PARD3: variants seen among roughly 807,000 people sequenced by gnomAD.
PARD3 encodes par-3 family cell polarity regulator.
A neutral mutation model predicts 155.4 loss-of-function variants in PARD3; 75 were observed. The observed-to-expected ratio is 0.48, with a 90% CI of 0.40 to 0.58. The LOEUF is 0.58. PARD3 is among the 20% of genes least tolerant of loss of function. The pLI is 0.00. For synonymous variants in PARD3, 576 were observed against 610.5 expected, an observed-to-expected ratio of 0.94 and a Z score of 0.83; for missense variants, 1,642 against 1,721.7, an observed-to-expected ratio of 0.95 and a Z score of 0.82.
chr10:34,435,946 C>T (rs934262826), intron 5 of PARD3, among the ~76,000 whole-genome samples: 2 of 152,238 alleles, frequency 1.3e-5, no homozygotes, highest in African/African-American at 2.4e-5. Flanking sequence ...TTTCTGTCCC[C>T]GTCATTCTAC....
chr10:34,479,160 A>ATTTTTT (rs571846177), intron 3 of PARD3, among the ~76,000 whole-genome samples: 1 of 131,804 alleles, frequency 7.6e-6, no homozygotes, highest in African/African-American at 2.9e-5. Flanking sequence ...CTCAAATTTA[A>ATTTTTT]TTTTTTTTTT....
intron 3 of PARD3, among the ~76,000 whole-genome samples, chr10:34,484,846 C>G (rs1477311303): frequency 6.6e-6 from 1 of 152,192 alleles, no homozygotes; most frequent in Non-Finnish European, 1.5e-5. Context: ...CAGGCCACCT[C>G]TTGTGGAAAG....
chr10:34,111,737 G>C (rs571998616), intron 24 of PARD3, among the ~76,000 whole-genome samples, 175 bp from the exon 25 acceptor site: 2 of 152,304 alleles, frequency 1.3e-5, no homozygotes, highest in Admixed American at 1.3e-4. Context: ...ACTGTCCTCA[G>C]CAAGCGCATA....
At chr10:34,556,312 G>A (rs1331188618) in intron 2 of PARD3, among the ~76,000 whole-genome samples, 8 of 151,886 alleles carry the variant, frequency 5.3e-5, no homozygotes, top group Non-Finnish European at 8.8e-5. Flanking sequence ...TGAATATAGT[G>A]TAACATCCTG....
intron 4 of PARD3, among the ~76,000 whole-genome samples, chr10:34,463,354 AAGGGGAGGGGAGGGG>A (rs1192757656): frequency 2.7e-5 from 2 of 73,474 alleles, no homozygotes; most frequent in Admixed American, 2.0e-4. Flanking sequence ...GGGGAAGGGG[AAGGGGAGGGGAGGGG>A]AGGGGAGGGG....
intron 6 of PARD3, among the ~76,000 whole-genome samples, chr10:34,401,005 C>T (rs187529783): frequency 5.9e-5 from 9 of 152,224 alleles, no homozygotes; most frequent in Admixed American, 2.0e-4. Context: ...AAATACTCAG[C>T]GTGCTGGCTG....
At chr10:34,695,537 C>T (rs1192069390) in intron 2 of PARD3, among the ~76,000 whole-genome samples, 1 of 151,196 alleles carries the variant, frequency 6.6e-6, no homozygotes, top group African/African-American at 2.4e-5. Flanking sequence ...CATCCTGTCA[C>T]GCATTCTCAA....
intron 1 of PARD3, among the ~76,000 whole-genome samples, chr10:34,701,333 A>ATGATGATGTTGTTGT (rs1554815382): frequency 7.3e-5 from 11 of 149,862 alleles, no homozygotes; most frequent in Non-Finnish European, 1.5e-4. Context: ...ACACGCGGGG[A>ATGATGATGTTGTTGT]TGTTGTTGTT....
chr10:34,601,495 C>T (rs949115218), intron 2 of PARD3, among the ~76,000 whole-genome samples: 3 of 152,174 alleles, frequency 2.0e-5, no homozygotes, highest in African/African-American at 7.2e-5. Context: ...TATTAGGTTA[C>T]ATGACACAAA....
intron 2 of PARD3, among the ~76,000 whole-genome samples, chr10:34,573,775 AC>A (rs2086661687): frequency 6.8e-6 from 1 of 147,624 alleles, no homozygotes; most frequent in Non-Finnish European, 1.5e-5. Flanking sequence ...ACACACACAC[AC>A]ACACACACAG....
At chr10:34,114,363 A>G (rs1339017855) in intron 24 of PARD3, among the ~76,000 whole-genome samples, 1 of 152,180 alleles carries the variant, frequency 6.6e-6, no homozygotes, top group Non-Finnish European at 1.5e-5. Flanking sequence ...TTTGTTTTTG[A>G]GACAGAGCCT....
intron 7 of PARD3, among the ~76,000 whole-genome samples, chr10:34,397,623 A>C (rs922714439): frequency 1.3e-5 from 2 of 152,198 alleles, no homozygotes; most frequent in African/African-American, 4.8e-5. Flanking sequence ...TAATCTAGAT[A>C]GTAAGTTTAT....
chr10:34,417,001 C>T (rs1845738335), intron 5 of PARD3, among the ~76,000 whole-genome samples: 1 of 152,172 alleles, frequency 6.6e-6, no homozygotes, highest in East Asian at 1.9e-4. Flanking sequence ...ACAGGGGACC[C>T]CTTACTCATA....
At chr10:34,151,485 T>G (rs1057324428) in intron 22 of PARD3, among the ~76,000 whole-genome samples, 3 of 152,202 alleles carry the variant, frequency 2.0e-5, no homozygotes, top group Admixed American at 2.0e-4. Flanking sequence ...AGTGTATATA[T>G]GTACAGCTCC....
rs79667941 is a variant in PARD3, at chr10:34,733,177, C to G, written c.121-36758G>C. 3.7e-3 allele frequency among the ~76,000 whole-genome samples: 568 copies of G among 152,280 alleles called. 2 individuals carry two copies. The highest frequency in any genetic ancestry group is 0.013 in the African/African-American group (541 of 41,558). Reference sequence around the variant, plus strand: ...TGCCTGCCTCTACTTACACTTTATACCAAAGTTCAAAGTTAACACCGTTAA... The same window carrying G: ...TGCCTGCCTCTACTTACACTTTATAGCAAAGTTCAAAGTTAACACCGTTAA... On this transcript the variant is annotated intron_variant, in intron 1 of 24. Coordinates refer to ENST00000374788, the MANE Select transcript of PARD3 (RefSeq NM_001184785.2).
intron 2 of PARD3, among the ~76,000 whole-genome samples, chr10:34,646,905 G>C (rs1483776028): frequency 6.6e-6 from 1 of 152,050 alleles, no homozygotes; most frequent in Non-Finnish European, 1.5e-5. Flanking sequence ...GCCCAGGCTT[G>C]CATGCACTTT....
At chr10:34,513,817 A>T (rs1469152855) in intron 3 of PARD3, among the ~76,000 whole-genome samples, 2 of 152,162 alleles carry the variant, frequency 1.3e-5, no homozygotes, top group Non-Finnish European at 2.9e-5. Flanking sequence ...CTGATGTCGG[A>T]TTGTCCTGTG....
Position 34,370,436 on chromosome 10 carries a change from ATTG to A in PARD3, c.1707+2059_1707+2061del, listed in dbSNP as rs149830522. 2.2e-3 allele frequency among the ~76,000 whole-genome samples: 329 copies of A among 152,002 alleles called. 3 individuals carry two copies. The highest frequency in any genetic ancestry group is 7.1e-3 in the African/African-American group (296 of 41,458). On this transcript the variant is annotated intron_variant, in intron 12 of 24. Coordinates refer to ENST00000374788, the MANE Select transcript of PARD3 (RefSeq NM_001184785.2). Reference sequence around the variant, plus strand: ...CAACACGACTGACTACATGTTTTTTATTGTTGTTTATTTTTAACTTTTTGGTAG... The same window carrying A: ...CAACACGACTGACTACATGTTTTTTATTGTTTATTTTTAACTTTTTGGTAG...
At chr10:34,289,459 G>C (rs1956568705) in intron 20 of PARD3, among the ~76,000 whole-genome samples, 1 of 151,902 alleles carries the variant, frequency 6.6e-6, no homozygotes, top group African/African-American at 2.4e-5. Context: ...CAAAGTGCTG[G>C]GACTACAGGC....
Sources: gnomAD v4.1 joint callset for allele counts (sites outside exome capture counted in the v4.1 genomes callset) on GRCh38, gnomAD v4.1.1 for gene constraint, MANE v1.5 for transcripts, NCBI Gene and HGNC (gene_info 2026-07-23, HGNC 2026-07-21) for gene names.